ABI3BP: variants seen among roughly 807,000 people sequenced by gnomAD.
ABI3BP encodes target of Nesh-SH3.
Under a neutral mutation model 268.6 loss-of-function variants are expected in ABI3BP, and 216 were observed. The ratio of observed to expected loss-of-function variants is 0.80; its 90% CI spans 0.72 to 0.90. The LOEUF (loss-of-function observed/expected upper bound fraction) is 0.90. Among genes scored for constraint, ABI3BP ranks in the 40% least tolerant of loss-of-function variants. The pLI is 0.00. For synonymous variants in ABI3BP, 730 were observed against 730.0 expected (o/e 1.00, Z 0.00); for missense variants, 2,090 against 2,182.4 (o/e 0.96, Z 0.84).
chr3:100,911,003 T>A (rs1360039004), intron 2 of ABI3BP: 1 of 169,704 alleles, frequency 5.9e-6, no homozygotes, highest in Non-Finnish European at 1.3e-5. Context: ...CTAGATCCCT[T>A]CATTTTCTCA....
At chr3:100,782,395 T>C (rs991378461) in intron 57 of ABI3BP, among the ~76,000 whole-genome samples, 2 of 152,152 alleles carry the variant, frequency 1.3e-5, no homozygotes, top group African/African-American at 4.8e-5. Context: ...ATTTTCTATG[T>C]AGGTGGAGAC....
intron 1 of ABI3BP, among the ~76,000 whole-genome samples, chr3:100,961,002 T>A (rs940993538): frequency 1.3e-5 from 2 of 152,310 alleles, no homozygotes; most frequent in Admixed American, 1.3e-4. Flanking sequence ...AGCTGTAAGA[T>A]AATAAATTTG....
chr3:100,803,451 T>C (rs1476003616), intron 51 of ABI3BP, among the ~76,000 whole-genome samples: 1 of 145,424 alleles, frequency 6.9e-6, no homozygotes, highest in African/African-American at 2.4e-5. Flanking sequence ...TTAAAAATAA[T>C]TTTATGATAG....
intron 1 of ABI3BP, among the ~76,000 whole-genome samples, chr3:100,993,018 C>G (rs917940796): frequency 2.6e-5 from 4 of 152,212 alleles, no homozygotes; most frequent in Non-Finnish European, 5.9e-5. Flanking sequence ...CAATATGATT[C>G]AATACACAAG....
At chr3:100,987,205 T>C (rs1413227264) in intron 1 of ABI3BP, among the ~76,000 whole-genome samples, 1 of 152,330 alleles carries the variant, frequency 6.6e-6, no homozygotes, top group South Asian at 2.1e-4. Context: ...GTGATCCAGA[T>C]AGAGTGATTG....
At chr3:100,872,505 A>C (rs539668132) in intron 9 of ABI3BP, among the ~76,000 whole-genome samples, 2 of 152,212 alleles carry the variant, frequency 1.3e-5, no homozygotes, top group East Asian at 1.9e-4. Flanking sequence ...CTGAGAAACA[A>C]CTCTGCTCAT....
At position 100,847,667 on chromosome 3, in the gene ABI3BP, G is replaced by A. The variant is rs1296921284; in HGVS notation, c.1583C>T (p.Thr528Ile). 25 of 1,613,294 alleles carry A rather than the reference G, an allele frequency of 1.5e-5. No individual in the cohort carries two copies. The Admixed American group carries it at 3.7e-4, about 24-fold the overall frequency. The change falls in exon 19 of 68, where the codon ACC becomes ATC. Residue 528 changes from threonine (T) to isoleucine (I), a missense_variant. Transcript: ENST00000471714. ...PKPPRTKPER[T>I]TSAGTITPKI... ...AGGTGTAATTGTTCCGGCACTTGTG[G>A]TTCTTTCTGGTGATGGAAAGGAAAA... is the stretch of plus-strand genomic sequence containing the variant.
In ABI3BP at chr3:100,848,790, G is replaced by A; in HGVS notation, c.1576+11C>T. The A allele has an allele frequency of 6.2e-7, 1 of 1,604,692 alleles. No homozygotes were observed. The highest frequency in any genetic ancestry group is 1.1e-5 in the South Asian group (1 of 90,870). On this transcript the variant is annotated intron_variant, in intron 18 of 67. Coordinates refer to ENST00000471714, the MANE Select transcript of ABI3BP (RefSeq NM_001375547.2). ...GAATTACATATCATGTAAATATAAA[G>A]AGACATTTACCAGGTTTGGTTCTTG...
rs1159691547 is a variant in ABI3BP at position 100,926,299 on chromosome 3, T to C, written c.259+3A>G. On this transcript the variant is annotated splice_donor_region_variant and intron_variant, in intron 2 of 67. Transcript: ENST00000471714. ...TTCCCAGCCCGATACCCAAACACCT[T>C]ACCAACTATAGCTTCTGTGAATTTC... 6.2e-7 allele frequency: 1 copy of C among 1,613,102 alleles called. No homozygotes were observed. The highest frequency in any genetic ancestry group is 1.1e-5 in the South Asian group (1 of 91,028).
Position 100,993,341 on chromosome 3 carries a change from G to A in ABI3BP, c.44C>T (p.Thr15Ile), listed in dbSNP as rs2093249687. ...LGCLLLCGSI[T>I]LALGNAQKLP... ...TTTCTGTGCATTTCCCAGGGCTAGTGTAATACTTCCACAGAGAAGTAGACA... is the reference window on the plus strand; with the variant it reads ...TTTCTGTGCATTTCCCAGGGCTAGTATAATACTTCCACAGAGAAGTAGACA... The change falls in exon 1 of 68, where the codon ACA becomes ATA. Residue 15 changes from threonine to isoleucine, a missense_variant. Coordinates refer to ENST00000471714, the MANE Select transcript of ABI3BP (RefSeq NM_001375547.2). The A allele has an allele frequency of 1.9e-6, 3 of 1,553,300 alleles. No homozygotes were observed. Among genetic ancestry groups the A allele is most frequent in the East Asian group, 2.4e-5 (1 of 41,048 alleles).
At chr3:100,835,462 A>C (rs1183543156) in intron 28 of ABI3BP, 139 bp downstream of exon 28, 4 of 677,536 alleles carry the variant, frequency 5.9e-6, no homozygotes, top group Non-Finnish European at 9.5e-6. Context: ...CAATACATTC[A>C]AAATGAAGAA....
At chr3:100,911,752 G>T in intron 2 of ABI3BP, 1 of 947,186 alleles carries the variant, frequency 1.1e-6, no homozygotes, top group South Asian at 1.3e-5. Context: ...TTCAGTCGAT[G>T]AGTAGCGTAG....
intron 21 of ABI3BP, among the ~76,000 whole-genome samples, chr3:100,841,220 T>TTTTTTTTTTTTTTTTTTTTTTTTTTG (rs1560681726): frequency 1.7e-5 from 2 of 119,548 alleles, no homozygotes; most frequent in Admixed American, 9.2e-5. Flanking sequence ...TTTTTTTTTT[T>TTTTTTTTTTTTTTTTTTTTTTTTTTG]TTTTTTTGCT....
chr3:100,845,835 C>A (rs1459737439), intron 20 of ABI3BP, among the ~76,000 whole-genome samples: 3 of 143,498 alleles, frequency 2.1e-5, no homozygotes, highest in Non-Finnish European at 3.0e-5. Flanking sequence ...TCCCTTCCTG[C>A]AAAAGCAGCC....
chr3:100,824,805 C>T, intron 36 of ABI3BP, 53 bp downstream of exon 36: 2 of 1,446,112 alleles, frequency 1.4e-6, no homozygotes, highest in Non-Finnish European at 1.9e-6. Context: ...CTTCAGTCCC[C>T]ACTGCGACAG....
rs1182414494 is a variant in ABI3BP at position 100,874,877 on chromosome 3, T to C, written c.874A>G (p.Met292Val). The change falls in exon 9 of 68, where the codon ATG (methionine) becomes GTG (valine). Residue 292 changes from methionine (M) to valine (V), a missense_variant. Physicochemically the swap from Met to Val is conservative, Grantham distance 21. Coordinates refer to ENST00000471714, the MANE Select transcript of ABI3BP (RefSeq NM_001375547.2). ...ETTVKLPASL[M>V]FEISDALKTQ... Reference sequence around the variant, plus strand: ...TTGAGTGCATCTGAAATCTCAAACATTAGGGATGCAGGAAGTTTTACAGTA... The same window carrying C: ...TTGAGTGCATCTGAAATCTCAAACACTAGGGATGCAGGAAGTTTTACAGTA... The C allele has an allele frequency of 1.2e-6, 2 of 1,600,914 alleles. No individual in the cohort carries two copies. The highest frequency in any genetic ancestry group is 1.7e-6 in the Non-Finnish European group (2 of 1,172,744).
chr3:100,858,062 G>T (rs1022210551), intron 14 of ABI3BP, among the ~76,000 whole-genome samples: 2 of 152,184 alleles, frequency 1.3e-5, no homozygotes, highest in African/African-American at 4.8e-5. Context: ...CAATTTTATT[G>T]CATCATCAGA....
At chr3:100,974,871 A>G (rs1446471523) in intron 1 of ABI3BP, among the ~76,000 whole-genome samples, 2 of 152,178 alleles carry the variant, frequency 1.3e-5, no homozygotes, top group African/African-American at 4.8e-5. Context: ...TAGCTTTAGA[A>G]TGTGACATGG....
chr3:100,924,905 G>GA, intron 2 of ABI3BP, among the ~76,000 whole-genome samples: 1 of 152,178 alleles, frequency 6.6e-6, no homozygotes, highest in South Asian at 2.1e-4. Context: ...AATGCTCAAT[G>GA]AAAAAAGGGG....
Sources: allele counts gnomAD v4.1 joint callset (sites outside exome capture counted in the v4.1 genomes callset), GRCh38; gene constraint gnomAD v4.1.1; transcripts MANE v1.5; gene names NCBI Gene and HGNC (gene_info 2026-07-23, HGNC 2026-07-21).